Variants in TUSC3 observed in about 807,000 individuals in gnomAD.
TUSC3 encodes the protein tumor suppressor candidate 3.
TUSC3 carries 45 observed loss-of-function variants against 44.8 expected under a neutral mutation model. The ratio of observed to expected loss-of-function variants is 1.00; its 90% CI spans 0.79 to 1.29. TUSC3 has a LOEUF of 1.29. TUSC3 is among the 50% of genes most tolerant of loss of function. The pLI is 0.00. For synonymous variants in TUSC3, 212 were observed against 152.9 expected (o/e 1.39, Z -2.85); for missense variants, 519 against 437.9 (o/e 1.19, Z -1.65).
intron 2 of TUSC3, among the ~76,000 whole-genome samples, chr8:15,641,465 T>C (rs915301284): frequency 7.9e-5 from 12 of 152,026 alleles, no homozygotes; most frequent in African/African-American, 2.9e-4. Context: ...AATTAAAATT[T>C]GGGTCTGGTG....
intron 5 of TUSC3, among the ~76,000 whole-genome samples, chr8:15,668,973 G>C (rs1319564594): frequency 6.6e-6 from 1 of 151,708 alleles, no homozygotes; most frequent in Non-Finnish European, 1.5e-5. Flanking sequence ...CTTCTAAAAA[G>C]CAGAGTAGAG....
intron 6 of TUSC3, among the ~76,000 whole-genome samples, chr8:15,712,358 C>A (rs1809890304): frequency 6.6e-6 from 1 of 152,028 alleles, no homozygotes; most frequent in Admixed American, 6.6e-5. Flanking sequence ...GTTCATTCCA[C>A]TTAACCTGCT....
In TUSC3 at chr8:15,495,912, C is replaced by T. The variant is rs190967950; in HGVS notation, n.189+12429C>T. Among the ~76,000 whole-genome samples, 367 of 152,254 alleles carry T rather than the reference C, an allele frequency of 2.4e-3. 4 individuals are homozygous for T. Among genetic ancestry groups the T allele is most frequent in the African/African-American group, 8.3e-3 (345 of 41,528 alleles). Reference sequence around the variant, plus strand: ...TTATTTTGCCTCCAGGGTCACTATACACTATTTAAATTTGCAGGCCCCTAC... The same window carrying T: ...TTATTTTGCCTCCAGGGTCACTATATACTATTTAAATTTGCAGGCCCCTAC... On this transcript the variant is annotated intron_variant and non_coding_transcript_variant, in intron 2 of 5. Transcript: ENST00000503191.
chr8:15,637,377 T>C (rs1420676483), intron 2 of TUSC3, among the ~76,000 whole-genome samples: 1 of 152,192 alleles, frequency 6.6e-6, no homozygotes, highest in South Asian at 2.1e-4. Flanking sequence ...TGTTTTGCTT[T>C]TTTGAAACAT....
At chr8:15,590,794 C>G (rs563115221) in intron 1 of TUSC3, among the ~76,000 whole-genome samples, 15 of 151,978 alleles carry the variant, frequency 9.9e-5, no homozygotes, top group Non-Finnish European at 2.1e-4. Flanking sequence ...ACCACAGCCA[C>G]CCAAGTAGCT....
At chr8:15,649,858 GA>G (rs760825074) in intron 2 of TUSC3, among the ~76,000 whole-genome samples, 15 of 152,122 alleles carry the variant, frequency 9.9e-5, no homozygotes, top group African/African-American at 1.9e-4. Flanking sequence ...ATTTTGGGGA[GA>G]GGGGGGAGAT....
intron 1 of TUSC3, among the ~76,000 whole-genome samples, chr8:15,475,697 A>T (rs1288309558): frequency 6.6e-6 from 1 of 152,180 alleles, no homozygotes; most frequent in Non-Finnish European, 1.5e-5. Flanking sequence ...CATGAAGATT[A>T]TTGGCTTAAG....
chr8:15,617,140 T>TGTGTGTGTA (rs1563136021), intron 1 of TUSC3, among the ~76,000 whole-genome samples: 1 of 8,124 alleles, frequency 1.2e-4, no homozygotes, highest in African/African-American at 2.0e-4. Context: ...GTGTATATAT[T>TGTGTGTGTA]TTTTTTTTTT....
chr8:15,462,843 C>G (rs956683568), intron 1 of TUSC3, among the ~76,000 whole-genome samples: 2 of 152,120 alleles, frequency 1.3e-5, no homozygotes, highest in Admixed American at 1.3e-4. Context: ...TTCTGAGCCA[C>G]CAATTCCCTT....
intron 1 of TUSC3, among the ~76,000 whole-genome samples, chr8:15,569,903 AAT>A (rs1170274056): frequency 1.4e-5 from 2 of 142,940 alleles, no homozygotes; most frequent in Non-Finnish European, 3.2e-5. Context: ...TTATTTCTCT[AAT>A]TTTTAAATTC....
At chr8:15,562,700 C>A (rs556286372) in intron 1 of TUSC3, among the ~76,000 whole-genome samples, 15 of 152,198 alleles carry the variant, frequency 9.9e-5, no homozygotes, top group South Asian at 4.2e-4. Context: ...TTCTTGTTTT[C>A]TTCCTGCTTG....
the TUSC3 span, among the ~76,000 whole-genome samples, chr8:15,817,953 C>A: frequency 6.6e-6 from 1 of 152,086 alleles, no homozygotes; most frequent in Non-Finnish European, 1.5e-5. Flanking sequence ...AAGCCCCTGA[C>A]TTATACCGGT....
chr8:15,431,147 A>G (rs1004565983), intron 1 of TUSC3, among the ~76,000 whole-genome samples: 1 of 151,686 alleles, frequency 6.6e-6, no homozygotes, highest in African/African-American at 2.4e-5. Flanking sequence ...ATTTCTCAAG[A>G]TCACTTTGGC....
chr8:15,754,258 A>G (rs886422709), intron 9 of TUSC3, among the ~76,000 whole-genome samples: 1 of 152,126 alleles, frequency 6.6e-6, no homozygotes, highest in African/African-American at 2.4e-5. Context: ...TTTTCTAAGA[A>G]CATTAGGCTG....
intron 6 of TUSC3, among the ~76,000 whole-genome samples, chr8:15,702,491 C>G (rs73528555): frequency 0.03 from 4,492 of 152,190 alleles, 70 homozygotes; most frequent in East Asian, 0.049. Context: ...TTCCAAGGTT[C>G]TCATATCAGC....
At chr8:15,830,154 T>C in the TUSC3 span, among the ~76,000 whole-genome samples, 4 of 152,148 alleles carry the variant, frequency 2.6e-5, no homozygotes, top group Non-Finnish European at 5.9e-5. Context: ...AGGTTTTTTT[T>C]TTCCTGTTGT....
chr8:15,455,868 A>T (rs1446808286), intron 1 of TUSC3, among the ~76,000 whole-genome samples: 1 of 152,206 alleles, frequency 6.6e-6, no homozygotes, highest in Non-Finnish European at 1.5e-5. Context: ...GGCTAGGAGG[A>T]TAGAGGAGAC....
intron 2 of TUSC3, among the ~76,000 whole-genome samples, chr8:15,485,110 G>C (rs1168451303): frequency 6.6e-6 from 1 of 152,024 alleles, no homozygotes; most frequent in African/African-American, 2.4e-5. Flanking sequence ...TGAAAGTGAA[G>C]TTTTTTTGCC....
At chr8:15,432,257 T>C (rs1799881682) in intron 1 of TUSC3, among the ~76,000 whole-genome samples, 1 of 152,158 alleles carries the variant, frequency 6.6e-6, no homozygotes, top group Non-Finnish European at 1.5e-5. Flanking sequence ...GTTGTTGTTG[T>C]TGAGAGGTTT....
Sources: gnomAD v4.1 joint callset for allele counts (sites outside exome capture counted in the v4.1 genomes callset) on GRCh38, gnomAD v4.1.1 for gene constraint, MANE v1.5 for transcripts, NCBI Gene and HGNC (gene_info 2026-07-23, HGNC 2026-07-21) for gene names.